SUPT3H: variants seen among roughly 807,000 people sequenced by gnomAD.
SUPT3H encodes the protein SPT3 homolog, SAGA and STAGA complex component, also known as transcription initiation protein SPT3 homolog.
A neutral mutation model predicts 44.3 loss-of-function variants in SUPT3H; 44 were observed. The observed-to-expected ratio is 0.99, with a 90% CI of 0.78 to 1.28. SUPT3H has a LOEUF of 1.28. SUPT3H is among the 50% of genes most tolerant of loss of function. The pLI is 0.00. For missense variants in SUPT3H, 380 were observed against 387.1 expected (o/e 0.98, Z 0.15); for synonymous variants, 124 against 125.6 (o/e 0.99, Z 0.09).
At chr6:45,157,598 GAGTGCAGT>G (rs1808047937) in intron 2 of SUPT3H, among the ~76,000 whole-genome samples, 1 of 151,698 alleles carries the variant, frequency 6.6e-6, no homozygotes, top group Admixed American at 6.6e-5. Flanking sequence ...ACCCAGGCTG[GAGTGCAGT>G]GGCACTATCT....
chr6:45,271,980 C>T (rs1482605678), intron 2 of SUPT3H, among the ~76,000 whole-genome samples: 2 of 152,148 alleles, frequency 1.3e-5, no homozygotes, highest in Non-Finnish European at 2.9e-5. Context: ...TTGCACAGGG[C>T]CTGTAGCCCC....
At chr6:45,241,863 T>C (rs1770400573) in intron 2 of SUPT3H, among the ~76,000 whole-genome samples, 1 of 152,076 alleles carries the variant, frequency 6.6e-6, no homozygotes, top group Non-Finnish European at 1.5e-5. Flanking sequence ...CAAAGTAAAT[T>C]TGTCCAGAAG....
intron 2 of SUPT3H, among the ~76,000 whole-genome samples, chr6:45,290,981 C>T (rs1024429812): frequency 3.9e-5 from 6 of 152,088 alleles, no homozygotes; most frequent in African/African-American, 1.2e-4. Flanking sequence ...TGCTCCAGAA[C>T]GACTGCAGGA....
At chr6:44,959,950 A>G (rs1775769563) in intron 7 of SUPT3H, among the ~76,000 whole-genome samples, 1 of 152,194 alleles carries the variant, frequency 6.6e-6, no homozygotes. Flanking sequence ...TCTCAACCAC[A>G]GTATTTTGCC....
rs1344331719 is a variant in SUPT3H, at chr6:45,271,339, T to A, written c.101+93862A>T. Reference sequence around the variant, plus strand: ...GGCCTAGGAGGAAAAAATGGTTTCCTGGGCCAGGCCCAGGGTCCCCGCGGT... The same window carrying A: ...GGCCTAGGAGGAAAAAATGGTTTCCAGGGCCAGGCCCAGGGTCCCCGCGGT... On this transcript the variant is annotated intron_variant, in intron 2 of 10. Transcript: ENST00000371459. Among the ~76,000 whole-genome samples, 2 of 152,200 alleles carry A rather than the reference T, an allele frequency of 1.3e-5. 1 individual carries two copies. The highest frequency in any genetic ancestry group is 3.9e-4 in the East Asian group (2 of 5,176).
chr6:45,100,559 A>AAAAAAAAAAAAAAAAAAAC (rs1798424595), intron 3 of SUPT3H, among the ~76,000 whole-genome samples: 2 of 149,224 alleles, frequency 1.3e-5, no homozygotes, highest in African/African-American at 4.9e-5. Context: ...AAAAAAAAAA[A>AAAAAAAAAAAAAAAAAAAC]AAAAAGACAC....
At chr6:45,023,249 A>G (rs1319610182) in intron 3 of SUPT3H, among the ~76,000 whole-genome samples, 2 of 151,504 alleles carry the variant, frequency 1.3e-5, no homozygotes, top group Non-Finnish European at 2.9e-5. Context: ...CAGAATGGCT[A>G]TTATTAAAAA....
At chr6:45,295,161 A>G (rs1780940109) in intron 2 of SUPT3H, among the ~76,000 whole-genome samples, 2 of 152,166 alleles carry the variant, frequency 1.3e-5, no homozygotes, top group Admixed American at 1.3e-4. Flanking sequence ...ACATAGACCA[A>G]TGGAATAGAG....
intron 2 of SUPT3H, among the ~76,000 whole-genome samples, chr6:45,328,993 A>C (rs1387647727): frequency 1.3e-5 from 2 of 152,006 alleles, no homozygotes; most frequent in Non-Finnish European, 2.9e-5. Context: ...AATGACTTGA[A>C]ATATACAAAA....
intron 10 of SUPT3H, among the ~76,000 whole-genome samples, chr6:44,930,726 T>C (rs1478370295): frequency 6.6e-6 from 1 of 152,168 alleles, no homozygotes; most frequent in African/African-American, 2.4e-5. Flanking sequence ...TTACCATTTG[T>C]TGTTGATTTT....
At chr6:45,071,492 G>T (rs1315135936) in intron 3 of SUPT3H, among the ~76,000 whole-genome samples, 1 of 152,040 alleles carries the variant, frequency 6.6e-6, no homozygotes, top group Non-Finnish European at 1.5e-5. Context: ...AGCCAGAAAA[G>T]GGTAAAAGAG....
intron 3 of SUPT3H, among the ~76,000 whole-genome samples, chr6:45,051,078 G>A (rs566407985): frequency 6.6e-6 from 1 of 152,136 alleles, no homozygotes; most frequent in African/African-American, 2.4e-5. Flanking sequence ...TAGAGATGGA[G>A]TTTTGCTGTG....
At chr6:45,020,703 T>TA in intron 3 of SUPT3H, 71 bp from the exon 4 acceptor site, 1 of 1,057,432 alleles carries the variant, frequency 9.5e-7, no homozygotes, top group Non-Finnish European at 1.4e-6. Flanking sequence ...ATGATGTCTC[T>TA]AAAGAGATAA....
chr6:45,277,277 T>C (rs891325196), intron 2 of SUPT3H, among the ~76,000 whole-genome samples: 3 of 152,224 alleles, frequency 2.0e-5, no homozygotes, highest in Non-Finnish European at 4.4e-5. Flanking sequence ...TGTTACTGCA[T>C]AAAATATTAC....
chr6:45,106,828 G>A (rs375776550), intron 2 of SUPT3H, among the ~76,000 whole-genome samples: 10 of 152,228 alleles, frequency 6.6e-5, no homozygotes, highest in East Asian at 1.9e-4. Flanking sequence ...GAGTCACCAC[G>A]CCCGCCTTGT....
intron 2 of SUPT3H, among the ~76,000 whole-genome samples, chr6:45,255,462 C>G (rs1212520110): frequency 7.1e-6 from 1 of 141,272 alleles, no homozygotes; most frequent in Non-Finnish European, 1.5e-5. Context: ...CTCTCTCTCA[C>G]CCAGGCTGGA....
intron 2 of SUPT3H, chr6:45,328,910 C>A: frequency 1.0e-6 from 1 of 1,004,466 alleles, no homozygotes; most frequent in Non-Finnish European, 1.5e-6. Context: ...TATCTTGTTG[C>A]ATTAAGAATT....
intron 3 of SUPT3H, chr6:45,097,846 C>T (rs1388391166): frequency 1.3e-5 from 2 of 152,262 alleles, no homozygotes; most frequent in Admixed American, 6.5e-5. Flanking sequence ...CTATCATTAA[C>T]AGGGAAATTA....
intron 2 of SUPT3H, among the ~76,000 whole-genome samples, chr6:45,176,898 C>A (rs1421150106): frequency 2.7e-5 from 3 of 111,296 alleles, no homozygotes; most frequent in African/African-American, 4.3e-5. Context: ...GAAGGGACAT[C>A]CACACCAAAA....
Sources: gnomAD v4.1 joint callset for allele counts (sites outside exome capture counted in the v4.1 genomes callset) on GRCh38, gnomAD v4.1.1 for gene constraint, MANE v1.5 for transcripts, NCBI Gene and HGNC (gene_info 2026-07-23, HGNC 2026-07-21) for gene names.